Variants in HYDIN observed in about 807,000 individuals in gnomAD.
The protein encoded by HYDIN is HYDIN axonemal central pair apparatus protein.
HYDIN carries 132 observed loss-of-function variants against 403.9 expected under a neutral mutation model. The observed-to-expected ratio is 0.33, with a 90% confidence interval of 0.28 to 0.38. The LOEUF (loss-of-function observed/expected upper bound fraction) is 0.38. HYDIN is among the 10% of genes least tolerant of loss of function. The probability of loss-of-function intolerance (pLI) is 1.00; values close to 1 mark genes in which losing one functional copy is unlikely to be tolerated. For synonymous variants in HYDIN, 1,202 were observed against 1,891.7 expected, an observed-to-expected ratio of 0.64 and a Z score of 9.46; for missense variants, 2,827 against 5,009.5, an observed-to-expected ratio of 0.56 and a Z score of 13.15.
intron 4 of HYDIN, among the ~76,000 whole-genome samples, chr16:71,178,410 A>G (rs2086761435): frequency 8.6e-6 from 1 of 115,998 alleles, no homozygotes; most frequent in South Asian, 3.0e-4. Flanking sequence ...CAAGAGTGAA[A>G]CTCTGTCTCA....
chr16:71,048,110 G>C (rs1375660474), intron 18 of HYDIN, among the ~76,000 whole-genome samples: 1 of 147,640 alleles, frequency 6.8e-6, no homozygotes, highest in Admixed American at 6.8e-5. Context: ...TTCTGTGCCT[G>C]GCTTATTTCA....
At chr16:70,809,759 G>C in intron 85 of HYDIN, 24 bp downstream of exon 85, 1 of 1,564,698 alleles carries the variant, frequency 6.4e-7, no homozygotes, top group Non-Finnish European at 8.8e-7. Flanking sequence ...GGGAAGGGCA[G>C]AAGGTAGAGC....
intron 9 of HYDIN, among the ~76,000 whole-genome samples, chr16:71,116,242 T>TC (rs1203765189): frequency 1.3e-5 from 2 of 149,706 alleles, no homozygotes; most frequent in Non-Finnish European, 3.0e-5. Context: ...TTTTTTTTTT[T>TC]TTTTTTTTTT....
chr16:70,863,113 T>A lies in HYDIN; in HGVS notation c.11541A>T (p.Ala3847=), dbSNP rs763853404. The change falls in exon 68 of 86, where the codon GCA becomes GCT. Residue 3847 remains alanine (A), a synonymous_variant. Coordinates refer to ENST00000393567, the MANE Select transcript of HYDIN (RefSeq NM_001270974.2). ...GGTGATCTGGTTTTGCAAAGCTGAC[T>A]GCCTTTGAGGTATCTTCTGAGACCC... is the stretch of plus-strand genomic sequence containing the variant. The part of the protein sequence containing the change: ...FSWVSEDTSK[A]VSFAKPDHQG... The A allele has an allele frequency of 6.8e-6, 11 of 1,614,062 alleles. No homozygotes were observed. Among genetic ancestry groups the A allele is most frequent in the Non-Finnish European group, 9.3e-6 (11 of 1,180,006 alleles).
intron 23 of HYDIN, among the ~76,000 whole-genome samples, chr16:71,002,689 T>C (rs1282969467): frequency 6.7e-6 from 1 of 149,184 alleles, no homozygotes; most frequent in African/African-American, 2.5e-5. Flanking sequence ...ATTTTTTTTT[T>C]TTTTTTGAGA....
At chr16:71,230,424 C>G (rs1457560276) in intron 1 of HYDIN, 138 bp downstream of exon 1, 2 of 1,025,060 alleles carry the variant, frequency 2.0e-6, no homozygotes, top group African/African-American at 3.2e-5. Context: ...CTAGGGAAGG[C>G]TGAGGAGGGG....
At chr16:71,045,213 T>C (rs1452326628) in intron 18 of HYDIN, among the ~76,000 whole-genome samples, 2 of 152,176 alleles carry the variant, frequency 1.3e-5, no homozygotes, top group African/African-American at 2.4e-5. Context: ...TGGGCATACA[T>C]CTCTTGGTTT....
intron 1 of HYDIN, among the ~76,000 whole-genome samples, chr16:71,220,680 A>G (rs951375610): frequency 6.6e-6 from 1 of 152,222 alleles, no homozygotes; most frequent in Non-Finnish European, 1.5e-5. Context: ...TACAAAAATT[A>G]TTAAGAATAG....
intron 16 of HYDIN, among the ~76,000 whole-genome samples, chr16:71,063,938 G>A (rs1005162874): frequency 2.1e-5 from 3 of 145,486 alleles, no homozygotes; most frequent in African/African-American, 7.5e-5. Context: ...ACCTAAAGGT[G>A]GTAATTCTCT....
At chr16:71,207,028 C>T (rs1330237402) in intron 1 of HYDIN, among the ~76,000 whole-genome samples, 1 of 152,058 alleles carries the variant, frequency 6.6e-6, no homozygotes, top group Non-Finnish European at 1.5e-5. Context: ...TGAAAACTTC[C>T]CCAACCTAGC....
intron 1 of HYDIN, among the ~76,000 whole-genome samples, chr16:71,187,921 T>C (rs1377807826): frequency 2.0e-5 from 3 of 152,114 alleles, no homozygotes; most frequent in Admixed American, 6.6e-5. Context: ...TGGAGCTCCT[T>C]AAGAAGAGAA....
At chr16:70,848,940 T>C (rs569499373) in intron 75 of HYDIN, among the ~76,000 whole-genome samples, 7 of 149,436 alleles carry the variant, frequency 4.7e-5, no homozygotes, top group Non-Finnish European at 1.0e-4. Flanking sequence ...CTAAGGTCAA[T>C]GCTCCCTCAG....
chr16:71,196,475 G>A (rs1305404753), intron 1 of HYDIN, among the ~76,000 whole-genome samples: 6 of 150,300 alleles, frequency 4.0e-5, no homozygotes, highest in East Asian at 2.0e-4. Flanking sequence ...ATGCAAACTG[G>A]AATCTACACC....
chr16:71,062,484 G>A (rs1417373652), intron 16 of HYDIN, 151 bp from the exon 17 acceptor site: 16 of 578,300 alleles, frequency 2.8e-5, no homozygotes, highest in African/African-American at 5.6e-5. Flanking sequence ...ACCCCAATTC[G>A]GCCAAAAGGA....
At position 71,186,929 on chromosome 16, in the gene HYDIN, A is replaced by C; in HGVS notation, c.-23-11T>G. ...ATTTTTTTTTCTCACCTAAGAGTGAAACAAAAATGTCTTAGAACAAATACA... is the reference window on the plus strand; with the variant it reads ...ATTTTTTTTTCTCACCTAAGAGTGACACAAAAATGTCTTAGAACAAATACA... On this transcript the variant is annotated splice_polypyrimidine_tract_variant and intron_variant, in intron 1 of 85. Transcript: ENST00000393567. The C allele has an allele frequency of 6.3e-7, 1 of 1,575,576 alleles. No individual in the cohort carries two copies. Among genetic ancestry groups the C allele is most frequent in the Non-Finnish European group, 8.7e-7 (1 of 1,155,406 alleles).
chr16:71,040,500 C>G (rs796098254), intron 18 of HYDIN, among the ~76,000 whole-genome samples: 3 of 146,978 alleles, frequency 2.0e-5, no homozygotes, highest in African/African-American at 7.6e-5. Context: ...CCCCTCCCCC[C>G]CACACACACA....
chr16:70,828,543 A>T, intron 81 of HYDIN, 114 bp from the exon 82 acceptor site: 3 of 557,166 alleles, frequency 5.4e-6, no homozygotes, highest in Non-Finnish European at 9.6e-6. Flanking sequence ...GGAAAGAAAC[A>T]TAATACTTTT....
intron 58 of HYDIN, among the ~76,000 whole-genome samples, chr16:70,884,786 T>C (rs1288579758): frequency 1.3e-5 from 2 of 152,178 alleles, no homozygotes; most frequent in Non-Finnish European, 1.5e-5. Context: ...CTCCTGCTTG[T>C]AGTTTTCCGG....
chr16:70,931,273 A>C (rs2077322341), intron 45 of HYDIN, among the ~76,000 whole-genome samples: 1 of 128,482 alleles, frequency 7.8e-6, no homozygotes, highest in African/African-American at 2.9e-5. Flanking sequence ...GCTGGATTCA[A>C]ATTCCTGAGC....
Sources: gnomAD v4.1 joint callset for allele counts (sites outside exome capture counted in the v4.1 genomes callset) on GRCh38, gnomAD v4.1.1 for gene constraint, MANE v1.5 for transcripts, NCBI Gene and HGNC (gene_info 2026-07-23, HGNC 2026-07-21) for gene names.